KIAA1671: variants seen among roughly 807,000 people sequenced by gnomAD.
KIAA1671 encodes the protein uncharacterized protein KIAA1671.
A neutral mutation model predicts 131.2 loss-of-function variants in KIAA1671; 52 were observed. That is an observed-to-expected ratio of 0.40 (90% CI 0.32 to 0.50). The LOEUF (loss-of-function observed/expected upper bound fraction) is 0.50. Ranked by LOEUF, KIAA1671 falls within the 20% of genes least tolerant of loss-of-function variation. The pLI, the probability that KIAA1671 is intolerant of heterozygous loss-of-function variation, is 0.73. For synonymous variants in KIAA1671, 1,003 were observed against 961.6 expected (o/e 1.04, Z -0.80); for missense variants, 2,360 against 2,364.2 (o/e 1.00, Z 0.04).
At chr22:25,078,650 C>T (rs1034935743) in intron 6 of KIAA1671, among the ~76,000 whole-genome samples, 14 of 152,310 alleles carry the variant, frequency 9.2e-5, no homozygotes, top group East Asian at 1.9e-4. Flanking sequence ...ATACGCACAC[C>T]GTAAGCAATT....
At chr22:25,063,963 C>T (rs954214832) in intron 6 of KIAA1671, 1 of 152,150 alleles carries the variant, frequency 6.6e-6, no homozygotes, top group Non-Finnish European at 1.5e-5. Flanking sequence ...TCGAATTGAA[C>T]ATGGCCTTAC....
intron 5 of KIAA1671, among the ~76,000 whole-genome samples, chr22:25,044,425 T>C (rs4552284): frequency 0.67 from 102,517 of 151,918 alleles, 35,796 homozygotes; most frequent in African/African-American, 0.85. Context: ...CAGGGCCCGC[T>C]GGTGGTGGGG....
chr22:25,067,297 AG>A (rs1276933452), intron 6 of KIAA1671, among the ~76,000 whole-genome samples: 2 of 150,796 alleles, frequency 1.3e-5, no homozygotes, highest in Admixed American at 1.3e-4. Flanking sequence ...TTTTATTCTT[AG>A]CCCCCTGCCC....
chr22:25,159,893 A>G (rs998183359), intron 6 of KIAA1671, among the ~76,000 whole-genome samples: 5 of 152,228 alleles, frequency 3.3e-5, no homozygotes, highest in East Asian at 3.9e-4. Context: ...GGCTGTTAGC[A>G]TATCTGTGGA....
chr22:25,080,159 G>C (rs950734977), intron 6 of KIAA1671, among the ~76,000 whole-genome samples: 1 of 151,900 alleles, frequency 6.6e-6, no homozygotes, highest in African/African-American at 2.4e-5. Context: ...CGGGACCCAG[G>C]TTTGCACTTG....
At position 25,117,502 on chromosome 22, in the gene KIAA1671, C is replaced by T. The variant is rs538255784; in HGVS notation, c.4531-53318C>T. On this transcript the variant is annotated intron_variant, in intron 6 of 12. Coordinates refer to ENST00000358431, the MANE Select transcript of KIAA1671 (RefSeq NM_001145206.2). ...AGCGTTCAGTCCTCCAGCCCAAGGC[C>T]GAGTGGGAGTATTTGCTTCTGTGTT... Among the ~76,000 whole-genome samples the T allele has an allele frequency of 9.2e-4, 140 of 151,394 alleles. 1 individual carries two copies. Among genetic ancestry groups the T allele is most frequent in the African/African-American group, 3.3e-3 (136 of 41,240 alleles).
chr22:24,967,372 A>G (rs1235574373), intron 1 of KIAA1671, among the ~76,000 whole-genome samples: 2 of 152,242 alleles, frequency 1.3e-5, no homozygotes, highest in African/African-American at 4.8e-5. Context: ...AAGAGGCTGC[A>G]GAGCCTGTAT....
intron 6 of KIAA1671, among the ~76,000 whole-genome samples, chr22:25,085,835 A>G (rs1176533087): frequency 1.3e-5 from 2 of 152,142 alleles, no homozygotes; most frequent in East Asian, 1.9e-4. Flanking sequence ...GTTCAAGAGC[A>G]GAGATTCTCT....
At chr22:24,988,777 A>T (rs1166619830) in intron 1 of KIAA1671, among the ~76,000 whole-genome samples, 1 of 149,772 alleles carries the variant, frequency 6.7e-6, no homozygotes, top group African/African-American at 2.5e-5. Flanking sequence ...GGTTTATCTC[A>T]TCTGAGAATT....
At chr22:25,126,562 G>T (rs1932194301) in intron 6 of KIAA1671, among the ~76,000 whole-genome samples, 1 of 152,220 alleles carries the variant, frequency 6.6e-6, no homozygotes, top group Non-Finnish European at 1.5e-5. Context: ...TAGCTGAGGG[G>T]CATGAGGTTG....
intron 2 of KIAA1671, among the ~76,000 whole-genome samples, chr22:25,027,681 G>C (rs1926025122): frequency 1.3e-5 from 2 of 152,326 alleles, no homozygotes; most frequent in South Asian, 4.1e-4. Flanking sequence ...TTAGCTGTCA[G>C]GGGAAAGTCC....
rs1189202329 is a variant in KIAA1671, at chr22:24,983,156, T to C, written c.-208+30384T>C. Among the ~76,000 whole-genome samples, 4 of 152,238 alleles carry C rather than the reference T, an allele frequency of 2.6e-5. No homozygotes were observed. In the East Asian group the frequency reaches 7.7e-4, roughly 29 times the overall value. On this transcript the variant is annotated intron_variant, in intron 1 of 12. Coordinates refer to ENST00000358431, the MANE Select transcript of KIAA1671 (RefSeq NM_001145206.2). ...AGGATGCTTTGAAGAAAATGGGGGA[T>C]GAACTTTAGCTGAGCTTCGGCTTGT...
chr22:24,987,578 T>C (rs1455367387), intron 1 of KIAA1671, among the ~76,000 whole-genome samples: 2 of 152,074 alleles, frequency 1.3e-5, no homozygotes, highest in East Asian at 3.9e-4. Flanking sequence ...GTGACCTTCT[T>C]TCCTGCCTCA....
chr22:25,037,789 A>G (rs1251566492), intron 4 of KIAA1671, among the ~76,000 whole-genome samples: 1 of 152,114 alleles, frequency 6.6e-6, no homozygotes, highest in Non-Finnish European at 1.5e-5. Flanking sequence ...TGCTTAGCAT[A>G]GTATTTTCAA....
intron 6 of KIAA1671, among the ~76,000 whole-genome samples, chr22:25,099,545 GTTTTTTTTTTTTTTT>G (rs58721361): frequency 5.7e-5 from 2 of 35,356 alleles, no homozygotes; most frequent in Non-Finnish European, 9.9e-5. Flanking sequence ...GGGTTTTTTT[GTTTTTTTTTTTTTTT>G]TTTTTTTTTT....
At chr22:25,162,338 C>T (rs1330028520) in intron 6 of KIAA1671, among the ~76,000 whole-genome samples, 1 of 152,228 alleles carries the variant, frequency 6.6e-6, no homozygotes, top group Admixed American at 6.5e-5. Flanking sequence ...GTGCTCCCTG[C>T]ACAGCTGGGG....
intron 4 of KIAA1671, among the ~76,000 whole-genome samples, chr22:25,037,386 A>G (rs993222547): frequency 1.5e-5 from 2 of 134,964 alleles, no homozygotes; most frequent in Non-Finnish European, 1.5e-5. Flanking sequence ...ATATATGTGT[A>G]TATATGTATA....
At chr22:24,957,477 C>T (rs562621088) in intron 1 of KIAA1671, among the ~76,000 whole-genome samples, 1 of 152,244 alleles carries the variant, frequency 6.6e-6, no homozygotes, top group African/African-American at 2.4e-5. Context: ...AGGAGCATCC[C>T]TGTCCAGGAG....
At chr22:25,024,361 T>C (rs1925824061) in intron 1 of KIAA1671, 1 of 152,258 alleles carries the variant, frequency 6.6e-6, no homozygotes, top group African/African-American at 2.4e-5. Context: ...GTGAGGTTAA[T>C]GTGGATGTAG....
Sources: gnomAD v4.1 joint callset for allele counts (sites outside exome capture counted in the v4.1 genomes callset) on GRCh38, gnomAD v4.1.1 for gene constraint, MANE v1.5 for transcripts, NCBI Gene and HGNC (gene_info 2026-07-23, HGNC 2026-07-21) for gene names.